ADK: variants seen among roughly 807,000 people sequenced by gnomAD.
The protein encoded by ADK is adenosine kinase.
A neutral mutation model predicts 44.7 loss-of-function variants in ADK; 24 were observed. The observed-to-expected ratio is 0.54, with a 90% CI of 0.39 to 0.76. The LOEUF (loss-of-function observed/expected upper bound fraction) is 0.76. ADK is among the 30% of genes least tolerant of loss of function. The pLI is 0.00. For missense variants in ADK, 321 were observed against 425.1 expected (o/e 0.76, Z 2.15); for synonymous variants, 128 against 142.6 (o/e 0.90, Z 0.73).
At chr10:74,665,855 T>G (rs963928605) in intron 9 of ADK, among the ~76,000 whole-genome samples, 8 of 151,808 alleles carry the variant, frequency 5.3e-5, no homozygotes, top group African/African-American at 1.4e-4. Context: ...GAAAAACACC[T>G]GCCTACCTGC....
chr10:74,697,520 G>GCTT (rs1374727904), intron 10 of ADK, among the ~76,000 whole-genome samples: 1 of 152,224 alleles, frequency 6.6e-6, no homozygotes, highest in African/African-American at 2.4e-5. Context: ...AGTGCAGCTT[G>GCTT]CTTACTTGTT....
intron 4 of ADK, among the ~76,000 whole-genome samples, chr10:74,318,050 G>T (rs373785094): frequency 7.9e-5 from 12 of 152,262 alleles, no homozygotes; most frequent in African/African-American, 2.9e-4. Context: ...AAAGTGCTGG[G>T]ATTACAGGCA....
chr10:74,563,422 T>A (rs184839398), intron 7 of ADK, among the ~76,000 whole-genome samples: 1 of 152,296 alleles, frequency 6.6e-6, no homozygotes, highest in Admixed American at 6.5e-5. Flanking sequence ...CTCAGTTAGA[T>A]CTCCCTTAAA....
chr10:74,505,468 C>T (rs1848032480), intron 6 of ADK, among the ~76,000 whole-genome samples: 1 of 150,522 alleles, frequency 6.6e-6, no homozygotes, highest in African/African-American at 2.4e-5. Context: ...TCTGTTAGCT[C>T]TTGAATTACT....
intron 6 of ADK, among the ~76,000 whole-genome samples, chr10:74,510,524 TATTG>T (rs1202779256): frequency 6.6e-6 from 1 of 152,240 alleles, no homozygotes; most frequent in Admixed American, 6.5e-5. Flanking sequence ...CTTTTCACTC[TATTG>T]ATTGTTTCCT....
rs35111858 is a variant in ADK, at chr10:74,230,684, CTT to C, written c.194+6108_194+6109del. On this transcript the variant is annotated intron_variant, in intron 3 of 10. Transcript: ENST00000539909. Reference sequence around the variant, plus strand: ...ATGATCTACTGCACCCAGCCAGTAACTTTTTTTTTTTTTTTTGAGACGGAGTC... The same window carrying C: ...ATGATCTACTGCACCCAGCCAGTAACTTTTTTTTTTTTTTGAGACGGAGTC... Among the ~76,000 whole-genome samples, 910 of 140,696 alleles carry C rather than the reference CTT, an allele frequency of 6.5e-3. 1 individual carries two copies. Among genetic ancestry groups the C allele is most frequent in the Non-Finnish European group, 9.5e-3 (611 of 64,034 alleles). 92.3% of individuals were successfully genotyped at this position (140,696 alleles called of 152,430 possible).
intron 6 of ADK, among the ~76,000 whole-genome samples, chr10:74,468,437 G>A (rs1191568560): frequency 4.6e-5 from 7 of 152,074 alleles, no homozygotes; most frequent in African/African-American, 7.2e-5. Context: ...ATTGTTAATG[G>A]CATGATTTTT....
chr10:74,655,270 A>C (rs1299258543), intron 9 of ADK: 1 of 466,208 alleles, frequency 2.1e-6, no homozygotes, highest in Admixed American at 3.0e-5. Context: ...ATCCAGTCTC[A>C]CTCCATCTTT....
At chr10:74,399,458 G>A (rs1468283224) in intron 6 of ADK, among the ~76,000 whole-genome samples, 1 of 151,270 alleles carries the variant, frequency 6.6e-6, no homozygotes, top group South Asian at 2.1e-4. Flanking sequence ...ACTGTTCTAG[G>A]CTTTACAACA....
intron 3 of ADK, among the ~76,000 whole-genome samples, chr10:74,255,345 G>A (rs1420275245): frequency 6.6e-6 from 1 of 151,954 alleles, no homozygotes; most frequent in Admixed American, 6.6e-5. Flanking sequence ...TGATCATTTG[G>A]GGAATTTCCA....
intron 10 of ADK, among the ~76,000 whole-genome samples, chr10:74,671,187 T>G (rs1855166711): frequency 6.6e-6 from 1 of 152,118 alleles, no homozygotes; most frequent in Non-Finnish European, 1.5e-5. Flanking sequence ...AACATAAATT[T>G]TTATTTTTCT....
intron 3 of ADK, among the ~76,000 whole-genome samples, chr10:74,266,515 C>T (rs546822972): frequency 6.6e-6 from 1 of 151,918 alleles, no homozygotes; most frequent in South Asian, 2.1e-4. Flanking sequence ...GAGATCGCGC[C>T]ACTGCACTCC....
chr10:74,295,463 A>C (rs1592001133), intron 3 of ADK, among the ~76,000 whole-genome samples: 1 of 20,310 alleles, frequency 4.9e-5, no homozygotes, highest in African/African-American at 9.8e-5. Flanking sequence ...ACTCTGTCTC[A>C]AAAAAAAAAA....
chr10:74,241,630 C>T (rs1431002178), intron 3 of ADK, among the ~76,000 whole-genome samples: 1 of 152,192 alleles, frequency 6.6e-6, no homozygotes, highest in African/African-American at 2.4e-5. Context: ...AAGTGATCCA[C>T]CCGCCTCGGC....
At chr10:74,453,016 G>C (rs1402838940) in intron 6 of ADK, among the ~76,000 whole-genome samples, 1 of 151,896 alleles carries the variant, frequency 6.6e-6, no homozygotes, top group Non-Finnish European at 1.5e-5. Context: ...TCCTCATTTT[G>C]CAGTAATTTT....
chr10:74,500,443 G>A (rs1847850258), intron 6 of ADK, among the ~76,000 whole-genome samples: 1 of 152,126 alleles, frequency 6.6e-6, no homozygotes, highest in African/African-American at 2.4e-5. Flanking sequence ...GGAGGGCTTG[G>A]GAAAACACAG....
intron 8 of ADK, among the ~76,000 whole-genome samples, chr10:74,593,828 T>A (rs986196297): frequency 6.6e-6 from 1 of 152,178 alleles, no homozygotes; most frequent in Non-Finnish European, 1.5e-5. Context: ...AATAAAGATT[T>A]TCTTTATCCA....
intron 7 of ADK, among the ~76,000 whole-genome samples, chr10:74,535,580 A>AT (rs748264198): frequency 0.046 from 6,006 of 129,508 alleles, 207 homozygotes; most frequent in African/African-American, 0.074. Context: ...TTTTGACCCT[A>AT]TTTTTTTTTT....
chr10:74,404,266 G>A (rs780857064), intron 6 of ADK, among the ~76,000 whole-genome samples: 5 of 150,906 alleles, frequency 3.3e-5, no homozygotes, highest in South Asian at 4.2e-4. Context: ...TATAAACATC[G>A]TAACCTTGCT....
Sources: gnomAD v4.1 joint callset for allele counts (sites outside exome capture counted in the v4.1 genomes callset) on GRCh38, gnomAD v4.1.1 for gene constraint, MANE v1.5 for transcripts, NCBI Gene and HGNC (gene_info 2026-07-23, HGNC 2026-07-21) for gene names.